POSTN: variants seen among roughly 807,000 people sequenced by gnomAD.
POSTN encodes periostin, also known as osteoblast specific factor 2 (fasciclin I-like).
In POSTN, 71 loss-of-function variants were observed where a neutral mutation model predicts 104.5. The observed-to-expected ratio is 0.68, with a 90% CI of 0.56 to 0.83. The LOEUF (loss-of-function observed/expected upper bound fraction) is 0.83, where lower values mean the gene tolerates loss of function less well. POSTN is among the 40% of genes least tolerant of loss of function. The pLI is 0.00. For missense variants in POSTN, 949 were observed against 1,006.8 expected, an observed-to-expected ratio of 0.94 and a Z score of 0.78; for synonymous variants, 355 against 340.7, an observed-to-expected ratio of 1.04 and a Z score of -0.46.
At chr13:37,568,683 T>A (rs1365091297) in intron 21 of POSTN, 1 of 143,282 alleles carries the variant, frequency 7.0e-6, no homozygotes, top group Non-Finnish European at 1.6e-5. Flanking sequence ...AGATTTTGAA[T>A]TCTTTTTTTT....
At chr13:37,596,531 A>ACAT (rs1485274476) in intron 2 of POSTN, among the ~76,000 whole-genome samples, 1 of 152,228 alleles carries the variant, frequency 6.6e-6, no homozygotes, top group African/African-American at 2.4e-5. Context: ...AATCAGTGAA[A>ACAT]CATATGTTAA....
rs754600105 is a variant in POSTN at position 37,587,884 on chromosome 13, C to A, written c.544G>T (p.Gly182Cys). The part of the protein sequence containing the change: ...KRMLTKDLKN[G>C]MIIPSMYNNL... ...TTATACATTGAAGGAATAATCATGC[C>A]ATTTTTTAAGTCCTTGGTCAACATT... Residue 182 changes from glycine (G) to cysteine (C), a missense_variant, in exon 5 of 23, where the codon GGC (glycine) becomes TGC (cysteine). By Grantham distance (159) the Gly-to-Cys change is radical. Transcript: ENST00000379747. 3.7e-6 allele frequency: 6 copies of A among 1,604,272 alleles called. No homozygotes were observed. Among genetic ancestry groups the A allele is most frequent in the Non-Finnish European group, 5.1e-6 (6 of 1,172,028 alleles).
chr13:37,592,105 G>A lies in POSTN; in HGVS notation c.278C>T (p.Pro93Leu). 1 of 1,604,022 alleles carries A rather than the reference G, an allele frequency of 6.2e-7. No homozygotes were observed. The highest frequency in any genetic ancestry group is 8.5e-7 in the Non-Finnish European group (1 of 1,171,150). The change falls in exon 3 of 23, where the codon CCA (proline) becomes CTA (leucine). Residue 93 changes from proline (P) to leucine (L), a missense_variant. By Grantham distance (98) the Pro-to-Leu change is moderately conservative (BLOSUM62 -3). Coordinates refer to ENST00000379747, the MANE Select transcript of POSTN (RefSeq NM_006475.3). ...YMRMEGMKGC[P>L]AVLPIDHVYG... is the part of the protein sequence containing the mutation. Reference sequence around the variant, plus strand: ...TCAAAAAATTGAGATTTTACCTGCTGGGCAGCCTTTCATTCCTTCCATTCT... The same window carrying A: ...TCAAAAAATTGAGATTTTACCTGCTAGGCAGCCTTTCATTCCTTCCATTCT...
rs1464414550 is a variant in POSTN, at chr13:37,584,885, C to T, written c.939G>A (p.Glu313=). Residue 313 remains glutamate, a synonymous_variant, in exon 8 of 23, where the codon GAG becomes GAA. Transcript: ENST00000379747. The part of the protein sequence containing the change: ...YHILNTLQCS[E]SIMGGAVFET... Reference sequence around the variant, plus strand: ...CAAAGACTGCTCCTCCCATAATAGACTCAGAACACTGGAGAGTATTTAAGA... The same window carrying T: ...CAAAGACTGCTCCTCCCATAATAGATTCAGAACACTGGAGAGTATTTAAGA... 6.2e-7 allele frequency: 1 copy of T among 1,613,828 alleles called. No homozygotes were observed. Among genetic ancestry groups the T allele is most frequent in the Admixed American group, 1.7e-5 (1 of 59,998 alleles).
chr13:37,589,745 T>C (rs1324503172), intron 4 of POSTN, among the ~76,000 whole-genome samples: 1 of 152,196 alleles, frequency 6.6e-6, no homozygotes, highest in Non-Finnish European at 1.5e-5. Context: ...TATTTCACTC[T>C]AGTAATAATT....
chr13:37,572,564 T>C (rs1950292312), intron 17 of POSTN, among the ~76,000 whole-genome samples: 2 of 151,532 alleles, frequency 1.3e-5, no homozygotes, highest in Admixed American at 1.3e-4. Flanking sequence ...AAAGCCAAAC[T>C]GAAATTTTGG....
intron 7 of POSTN, among the ~76,000 whole-genome samples, chr13:37,585,421 C>G (rs1950715548): frequency 6.6e-6 from 1 of 152,102 alleles, no homozygotes; most frequent in Non-Finnish European, 1.5e-5. Flanking sequence ...CCAAAATACC[C>G]AAGAGCAGTA....
At chr13:37,593,723 C>G (rs1951008077) in intron 2 of POSTN, among the ~76,000 whole-genome samples, 1 of 151,276 alleles carries the variant, frequency 6.6e-6, no homozygotes, top group Non-Finnish European at 1.5e-5. Context: ...AGAATAAAAT[C>G]TTTTTTTAGT....
rs751023824 is a variant in POSTN, at chr13:37,587,851, C to A, written c.577G>T (p.Gly193Trp). The stretch of plus-strand genomic sequence containing the variant: ...TTAGGATAATGGTTAATGAAAAGCC[C>A]CAAATTGTTATACATTGAAGGAATA... Reference protein sequence around the residue: ...MIIPSMYNNLGLFINHYPNGV... With the variant: ...MIIPSMYNNLWLFINHYPNGV... Residue 193 changes from glycine (G) to tryptophan (W), a missense_variant, in exon 5 of 23, where the codon GGG becomes TGG. Gly to Trp is a radical substitution (Grantham distance 184). Transcript: ENST00000379747. 2 of 1,603,428 alleles carry A rather than the reference C, an allele frequency of 1.2e-6. No homozygotes were observed. The highest frequency in any genetic ancestry group is 2.2e-5 in the South Asian group (2 of 90,182).
chr13:37,587,208 C>CT (rs1457876041), intron 5 of POSTN, among the ~76,000 whole-genome samples: 1 of 152,098 alleles, frequency 6.6e-6, no homozygotes, highest in Non-Finnish European at 1.5e-5. Flanking sequence ...TATTGCTTTT[C>CT]TCTTTTATGC....
intron 21 of POSTN, 146 bp from the exon 22 acceptor site, chr13:37,564,706 C>A: frequency 2.1e-6 from 1 of 471,422 alleles, no homozygotes; most frequent in South Asian, 4.1e-5. Flanking sequence ...TTTTATGATC[C>A]TCAGAGTTTT....
intron 6 of POSTN, among the ~76,000 whole-genome samples, chr13:37,586,528 T>C (rs1030844588): frequency 1.3e-5 from 2 of 152,214 alleles, no homozygotes; most frequent in East Asian, 3.8e-4. Context: ...GTACATATAA[T>C]AACAGATGAA....
chr13:37,574,418 A>G (rs1159005020), intron 17 of POSTN, among the ~76,000 whole-genome samples, 154 bp downstream of exon 17: 2 of 151,906 alleles, frequency 1.3e-5, no homozygotes, highest in South Asian at 4.1e-4. Context: ...TGCACTCCGC[A>G]TTCTGCAATT....
chr13:37,597,222 A>T lies in POSTN; in HGVS notation c.180T>A (p.Cys60Ter). The T allele has an allele frequency of 1.9e-6, 3 of 1,584,056 alleles. No homozygotes were observed. The highest frequency in any genetic ancestry group is 2.6e-6 in the Non-Finnish European group (3 of 1,169,254). Reference sequence around the variant, plus strand: ...AGATGGACTTTTTATACCAGTTCTTACAAGTGCTGAAGTATTTCTTTTTGG... The same window carrying T: ...AGATGGACTTTTTATACCAGTTCTTTCAAGTGCTGAAGTATTTCTTTTTGG... ...LGTKKKYFST[C>*]KNWYKKSICG... Residue 60 changes from cysteine to a stop codon, truncating the protein, a stop_gained, in exon 2 of 23, where the codon TGT (cysteine) becomes TGA (stop). Transcript: ENST00000379747. LOFTEE classifies it high-confidence loss of function.
chr13:37,598,428 T>C (rs1050420133), intron 1 of POSTN, among the ~76,000 whole-genome samples, 180 bp downstream of exon 1: 1 of 152,128 alleles, frequency 6.6e-6, no homozygotes, highest in Non-Finnish European at 1.5e-5. Context: ...AATTAAGTCT[T>C]AAAGCTTAAA....
chr13:37,572,550 T>C (rs1951448038), intron 17 of POSTN, among the ~76,000 whole-genome samples: 1 of 151,604 alleles, frequency 6.6e-6, no homozygotes, highest in African/African-American at 2.4e-5. Flanking sequence ...AATATTTCTT[T>C]AGAAAAGCCA....
At chr13:37,575,407 C>T (rs749523423) in intron 16 of POSTN, among the ~76,000 whole-genome samples, 5 of 151,846 alleles carry the variant, frequency 3.3e-5, no homozygotes, top group Non-Finnish European at 5.9e-5. Context: ...TAAACCCCAG[C>T]ATTACTCAAT....
In POSTN at chr13:37,564,181, C is replaced by CATATATATAT. The variant is rs71093693; in HGVS notation, c.2473+328_2473+337dup. Among the ~76,000 whole-genome samples the CATATATATAT allele has an allele frequency of 5.8e-4, 29 of 49,826 alleles. 2 individuals are homozygous for CATATATATAT. The highest frequency in any genetic ancestry group is 1.0e-3 in the South Asian group (1 of 972). 32.7% of individuals were successfully genotyped at this position (49,826 alleles called of 152,430 possible). On this transcript the variant is annotated intron_variant, in intron 22 of 22. Coordinates refer to ENST00000379747, the MANE Select transcript of POSTN (RefSeq NM_006475.3). Reference sequence around the variant, plus strand: ...GTATACTTGTATATACAAAACATTACATATATATATATATATATATATATA... The same window carrying CATATATATAT: ...GTATACTTGTATATACAAAACATTACATATATATATATATATATATATATATATATATATA...
Position 37,563,305 on chromosome 13 carries a change from T to C in POSTN, c.*28A>G. 2 of 1,544,966 alleles carry C rather than the reference T, an allele frequency of 1.3e-6. No individual in the cohort carries two copies. Among genetic ancestry groups the C allele is most frequent in the Non-Finnish European group, 8.9e-7 (1 of 1,123,450 alleles). On this transcript the variant is annotated 3_prime_UTR_variant, in exon 23 of 23. Coordinates refer to ENST00000379747, the MANE Select transcript of POSTN (RefSeq NM_006475.3). Reference sequence around the variant, plus strand: ...GTCAGGTTATTGACTTAGGGTTGTATAAACATTTTTTTCTGGTTTTTGGAT... The same window carrying C: ...GTCAGGTTATTGACTTAGGGTTGTACAAACATTTTTTTCTGGTTTTTGGAT...
Sources: allele counts gnomAD v4.1 joint callset (sites outside exome capture counted in the v4.1 genomes callset), GRCh38; gene constraint gnomAD v4.1.1; transcripts MANE v1.5; gene names NCBI Gene and HGNC (gene_info 2026-07-23, HGNC 2026-07-21).